EYS: variants seen among roughly 807,000 people sequenced by gnomAD.
EYS encodes the protein EGF-like photoreceptor maintenance factor.
EYS carries 250 observed loss-of-function variants against 282.1 expected under a neutral mutation model. The ratio of observed to expected loss-of-function variants is 0.89; its 90% CI spans 0.80 to 0.98. EYS has a LOEUF of 0.98. Among genes scored for constraint, EYS ranks in the 50% least tolerant of loss-of-function variants. The probability of loss-of-function intolerance (pLI) is 0.00; values close to 1 mark genes in which losing one functional copy is unlikely to be tolerated. For synonymous variants in EYS, 1,355 were observed against 1,282.9 expected (o/e 1.06, Z -1.20); for missense variants, 4,016 against 3,709.0 (o/e 1.08, Z -2.15).
At chr6:64,193,514 A>G (rs1331845542) in intron 31 of EYS, among the ~76,000 whole-genome samples, 2 of 151,236 alleles carry the variant, frequency 1.3e-5, no homozygotes, top group Non-Finnish European at 2.9e-5. Flanking sequence ...ATTTATTTTT[A>G]TTATACTTTA....
At chr6:63,741,996 T>C in intron 41 of EYS, 1 of 701,708 alleles carries the variant, frequency 1.4e-6, no homozygotes, top group Admixed American at 2.0e-5. Context: ...AAGAGAAGGG[T>C]CTTTTTTGTC....
At chr6:64,420,203 C>T (rs1016881173) in intron 28 of EYS, among the ~76,000 whole-genome samples, 1 of 151,960 alleles carries the variant, frequency 6.6e-6, no homozygotes, top group African/African-American at 2.4e-5. Context: ...CCCTCTGAAG[C>T]CACAGCCAGA....
chr6:64,393,735 C>A (rs1165791435), intron 28 of EYS, among the ~76,000 whole-genome samples: 1 of 151,350 alleles, frequency 6.6e-6, no homozygotes, highest in Non-Finnish European at 1.5e-5. Flanking sequence ...ACAGGGATGC[C>A]CTCTCTCACC....
intron 12 of EYS, among the ~76,000 whole-genome samples, chr6:65,277,260 C>T (rs1321735019): frequency 1.3e-5 from 2 of 151,948 alleles, no homozygotes; most frequent in African/African-American, 4.8e-5. Context: ...TGATGAAACA[C>T]CATCTCTACT....
At chr6:65,550,162 T>TCATGGCATCTCAAAC (rs1768562346) in intron 2 of EYS, among the ~76,000 whole-genome samples, 1 of 9,118 alleles carries the variant, frequency 1.1e-4, no homozygotes, top group East Asian at 8.2e-3. Flanking sequence ...TTTTTTTTTT[T>TCATGGCATCTCAAAC]TTTTTTTTTT....
chr6:64,325,872 A>AGAAAACAT (rs1444362873), intron 29 of EYS, among the ~76,000 whole-genome samples: 1 of 152,140 alleles, frequency 6.6e-6, no homozygotes, highest in African/African-American at 2.4e-5. Context: ...GAAAAAAATA[A>AGAAAACAT]GAAAACATGA....
intron 8 of EYS, among the ~76,000 whole-genome samples, chr6:65,356,038 A>G (rs529819877): frequency 4.6e-5 from 7 of 152,222 alleles, no homozygotes; most frequent in African/African-American, 1.7e-4. Flanking sequence ...GTATGCTTAG[A>G]TTCATTATTC....
intron 26 of EYS, among the ~76,000 whole-genome samples, chr6:64,562,246 C>G (rs1015052649): frequency 6.6e-6 from 1 of 151,206 alleles, no homozygotes; most frequent in Non-Finnish European, 1.5e-5. Context: ...CTTATTAATT[C>G]TGGAATTTCT....
intron 14 of EYS, among the ~76,000 whole-genome samples, chr6:64,956,737 G>GA (rs898332266): frequency 2.0e-5 from 3 of 152,016 alleles, no homozygotes; most frequent in Admixed American, 6.6e-5. Flanking sequence ...AATTTTATAG[G>GA]AAAAAAACTC....
intron 5 of EYS, among the ~76,000 whole-genome samples, chr6:65,470,963 C>A (rs915483660): frequency 2.0e-5 from 3 of 151,874 alleles, no homozygotes; most frequent in Non-Finnish European, 2.9e-5. Flanking sequence ...ACAGTGAAAC[C>A]CTGTCTCTAC....
intron 31 of EYS, among the ~76,000 whole-genome samples, chr6:64,204,189 A>T (rs1013721822): frequency 3.3e-5 from 5 of 152,164 alleles, no homozygotes; most frequent in Non-Finnish European, 7.4e-5. Context: ...TGTGTCAGTT[A>T]TTCTTTCTAA....
chr6:64,189,327 C>A (rs563616696), intron 31 of EYS, among the ~76,000 whole-genome samples: 49 of 152,040 alleles, frequency 3.2e-4, no homozygotes, highest in African/African-American at 1.0e-3. Context: ...CACCCATGAG[C>A]TAAGAATAGT....
intron 35 of EYS, among the ~76,000 whole-genome samples, chr6:63,890,173 A>G (rs1477882688): frequency 1.3e-5 from 2 of 152,092 alleles, no homozygotes; most frequent in African/African-American, 4.8e-5. Context: ...CCCACTGTCA[A>G]TATTAGACAG....
intron 33 of EYS, among the ~76,000 whole-genome samples, chr6:64,036,231 T>C (rs1436468074): frequency 6.6e-6 from 1 of 151,700 alleles, no homozygotes; most frequent in Non-Finnish European, 1.5e-5. Flanking sequence ...TAAAGTATAA[T>C]AGAAAAAAAA....
chr6:65,683,450 G>C (rs900603804), intron 1 of EYS, among the ~76,000 whole-genome samples: 2 of 150,486 alleles, frequency 1.3e-5, no homozygotes, highest in African/African-American at 4.9e-5. Context: ...CAATAATGTT[G>C]AATACAGTTT....
intron 29 of EYS, among the ~76,000 whole-genome samples, chr6:64,331,484 C>G (rs1042789229): frequency 6.6e-6 from 1 of 152,062 alleles, no homozygotes; most frequent in Non-Finnish European, 1.5e-5. Flanking sequence ...CTTCCCCTAA[C>G]AGAACCCACT....
intron 2 of EYS, among the ~76,000 whole-genome samples, chr6:65,599,661 T>G (rs1043205004): frequency 2.0e-5 from 3 of 152,120 alleles, no homozygotes; most frequent in Non-Finnish European, 2.9e-5. Flanking sequence ...TTAAAAAATA[T>G]GAAATGTTTA....
intron 1 of EYS, among the ~76,000 whole-genome samples, chr6:65,648,691 C>T (rs1275051479): frequency 2.1e-5 from 3 of 144,010 alleles, no homozygotes; most frequent in Non-Finnish European, 3.1e-5. Flanking sequence ...ACCTGTTCCC[C>T]AAACACCTAT....
At chr6:64,848,999 T>C (rs915479920) in intron 19 of EYS, among the ~76,000 whole-genome samples, 1 of 152,170 alleles carries the variant, frequency 6.6e-6, no homozygotes, top group Admixed American at 6.6e-5. Flanking sequence ...TTGATGAGCA[T>C]AAAGGTAGTG....
Sources: gnomAD v4.1 joint callset for allele counts (sites outside exome capture counted in the v4.1 genomes callset) on GRCh38, gnomAD v4.1.1 for gene constraint, MANE v1.5 for transcripts, NCBI Gene and HGNC (gene_info 2026-07-23, HGNC 2026-07-21) for gene names.